The following MECOM variants were observed in gnomAD, a reference collection of about 807,000 sequenced individuals.
MECOM encodes MDS1 and EVI1 complex locus.
A neutral mutation model predicts 116.3 loss-of-function variants in MECOM; 13 were observed. The ratio of observed to expected loss-of-function variants is 0.11; its 90% CI spans 0.07 to 0.18. MECOM has a LOEUF of 0.18. Among genes scored for constraint, MECOM ranks in the 10% least tolerant of loss-of-function variants. The pLI is 1.00. For synonymous variants in MECOM, 528 were observed against 535.2 expected (o/e 0.99, Z 0.19); for missense variants, 1,299 against 1,509.0 (o/e 0.86, Z 2.31).
intron 1 of MECOM, among the ~76,000 whole-genome samples, chr3:169,528,573 A>G (rs1314260745): frequency 1.3e-5 from 2 of 152,240 alleles, no homozygotes; most frequent in African/African-American, 2.4e-5. Flanking sequence ...CATTCTTTCC[A>G]TATTTGTCAT....
chr3:169,245,111 G>A (rs937570892), intron 2 of MECOM, among the ~76,000 whole-genome samples: 1 of 152,124 alleles, frequency 6.6e-6, no homozygotes, highest in Non-Finnish European at 1.5e-5. Context: ...AGTGTTCTGG[G>A]TGCCCATTTA....
intron 2 of MECOM, among the ~76,000 whole-genome samples, chr3:169,294,340 A>C (rs1715177716): frequency 6.6e-6 from 1 of 152,232 alleles, no homozygotes; most frequent in South Asian, 2.1e-4. Context: ...GAGAGTTTGC[A>C]ATTTCTACAG....
At chr3:169,116,853 T>C in intron 7 of MECOM, 114 bp from the exon 8 acceptor site, 2 of 1,338,574 alleles carry the variant, frequency 1.5e-6, no homozygotes, top group Non-Finnish European at 2.0e-6. Context: ...TAAAAGACAT[T>C]GGAGGCACCA....
chr3:169,320,772 G>C (rs2149750844), intron 2 of MECOM, among the ~76,000 whole-genome samples: 1 of 152,192 alleles, frequency 6.6e-6, no homozygotes, highest in South Asian at 2.1e-4. Flanking sequence ...TTGACATTTT[G>C]AGCAACACTG....
chr3:169,254,281 C>T (rs1224004377), intron 2 of MECOM, among the ~76,000 whole-genome samples: 3 of 152,120 alleles, frequency 2.0e-5, no homozygotes, highest in Non-Finnish European at 2.9e-5. Context: ...TGAGTGAAAT[C>T]CCATGAATGG....
intron 1 of MECOM, among the ~76,000 whole-genome samples, chr3:169,428,672 C>T (rs949006978): frequency 2.0e-5 from 3 of 152,210 alleles, no homozygotes; most frequent in Admixed American, 6.5e-5. Flanking sequence ...CATACACACT[C>T]TATTGTACCT....
intron 1 of MECOM, among the ~76,000 whole-genome samples, chr3:169,530,074 A>C (rs1758418464): frequency 6.6e-6 from 1 of 152,228 alleles, no homozygotes; most frequent in Non-Finnish European, 1.5e-5. Flanking sequence ...AGAACCTAGA[A>C]AATTTCACAA....
At chr3:169,576,832 C>G (rs200146264) in intron 1 of MECOM, among the ~76,000 whole-genome samples, 3,261 of 101,832 alleles carry the variant, frequency 0.032, 58 homozygotes, top group South Asian at 0.064. Context: ...CACACACACA[C>G]ACACACAGAG....
chr3:169,429,499 T>C (rs1015434110), intron 1 of MECOM, among the ~76,000 whole-genome samples: 3 of 152,192 alleles, frequency 2.0e-5, no homozygotes, highest in African/African-American at 7.2e-5. Context: ...ATCTGACCCA[T>C]AGCACATGTT....
At chr3:169,378,796 G>A (rs186637697) in intron 2 of MECOM, among the ~76,000 whole-genome samples, 1 of 152,032 alleles carries the variant, frequency 6.6e-6, no homozygotes, top group Non-Finnish European at 1.5e-5. Flanking sequence ...GCAATGATTT[G>A]TTCAGTTATG....
At chr3:169,232,252 C>G (rs1256403280) in intron 2 of MECOM, among the ~76,000 whole-genome samples, 1 of 152,196 alleles carries the variant, frequency 6.6e-6, no homozygotes, top group Middle Eastern at 3.4e-3. Flanking sequence ...CCAAAAATTA[C>G]CATTTTGAGG....
At chr3:169,428,824 C>A (rs952607992) in intron 1 of MECOM, among the ~76,000 whole-genome samples, 3 of 152,042 alleles carry the variant, frequency 2.0e-5, no homozygotes, top group Admixed American at 6.6e-5. Flanking sequence ...AAGGTCAATG[C>A]CCTTGGTCTG....
chr3:169,662,250 C>A (rs1776374275), intron 1 of MECOM, among the ~76,000 whole-genome samples: 1 of 152,184 alleles, frequency 6.6e-6, no homozygotes, highest in Non-Finnish European at 1.5e-5. Flanking sequence ...CAGGGGGCGC[C>A]GGGGAGGGTT....
chr3:169,420,316 C>T (rs1345099016), intron 1 of MECOM, among the ~76,000 whole-genome samples: 1 of 152,100 alleles, frequency 6.6e-6, no homozygotes, highest in African/African-American at 2.4e-5. Flanking sequence ...ACCTGCAAAG[C>T]ATGGAAGCAT....
chr3:169,089,177 T>C lies in MECOM; in HGVS notation c.3408A>G (p.Lys1136=), dbSNP rs747699316. ...MSCKTSPVRY[K]EEEYKSGLSA... is the part of the protein sequence containing the mutation. ...AAAGTCCACTTTTATATTCTTCCTC[T>C]TTATACCTAAAATGAACCAACGAAA... The change falls in exon 16 of 17, where the codon AAA becomes AAG. Residue 1136 remains lysine, a synonymous_variant. Coordinates refer to ENST00000651503, the MANE Select transcript of MECOM (RefSeq NM_004991.4). 1.3e-6 allele frequency: 2 copies of C among 1,519,688 alleles called. No individual in the cohort carries two copies. The highest frequency in any genetic ancestry group is 1.8e-6 in the Non-Finnish European group (2 of 1,137,296). 94.1% of individuals were successfully genotyped at this position (1,519,688 alleles called of 1,614,324 possible). A position where few individuals can be genotyped will look rare whatever the true frequency, so the allele number is the denominator to read the frequency against.
intron 2 of MECOM, among the ~76,000 whole-genome samples, chr3:169,265,920 G>C (rs1445411769): frequency 6.6e-6 from 1 of 152,170 alleles, no homozygotes; most frequent in Non-Finnish European, 1.5e-5. Context: ...TCAGGGGACA[G>C]AGTAACATTA....
chr3:169,142,673 G>A (rs531248270), intron 3 of MECOM, among the ~76,000 whole-genome samples: 11 of 151,804 alleles, frequency 7.2e-5, no homozygotes, highest in Non-Finnish European at 1.3e-4. Context: ...CTCTTACACC[G>A]TTTAGTCAGT....
intron 1 of MECOM, among the ~76,000 whole-genome samples, chr3:169,592,672 A>G (rs1766569779): frequency 1.3e-5 from 2 of 152,086 alleles, no homozygotes; most frequent in South Asian, 4.2e-4. Context: ...CAATTTCTCT[A>G]GTTGTTTTTT....
chr3:169,123,096 A>G (rs1228549055), intron 5 of MECOM, among the ~76,000 whole-genome samples: 1 of 151,860 alleles, frequency 6.6e-6, no homozygotes, highest in African/African-American at 2.4e-5. Flanking sequence ...TTGAAACACA[A>G]TTAAGTGAGT....
Sources: gnomAD v4.1 joint callset for allele counts (sites outside exome capture counted in the v4.1 genomes callset) on GRCh38, gnomAD v4.1.1 for gene constraint, MANE v1.5 for transcripts, NCBI Gene and HGNC (gene_info 2026-07-23, HGNC 2026-07-21) for gene names.